Variants in PCLO observed in about 807,000 individuals in gnomAD.
PCLO encodes the protein piccolo presynaptic cytomatrix protein, also known as protein piccolo.
Under a neutral mutation model 427.5 loss-of-function variants are expected in PCLO, and 82 were observed. The observed-to-expected ratio is 0.19, with a 90% CI of 0.16 to 0.23. The LOEUF (loss-of-function observed/expected upper bound fraction) is 0.23, where lower values mean the gene tolerates loss of function less well. PCLO is among the 10% of genes least tolerant of loss of function. The probability of loss-of-function intolerance (pLI) is 1.00; values close to 1 mark genes in which losing one functional copy is unlikely to be tolerated. For synonymous variants in PCLO, 2,357 were observed against 2,155.4 expected (o/e 1.09, Z -2.59); for missense variants, 6,239 against 6,115.9 (o/e 1.02, Z -0.67).
At position 82,879,336 on chromosome 7, in the gene PCLO, C is replaced by T. The variant is rs865993888; in HGVS notation, c.13654+1G>A. On this transcript the variant is annotated splice_donor_variant, in intron 10 of 24. Coordinates refer to ENST00000333891, the MANE Select transcript of PCLO (RefSeq NM_033026.6). LOFTEE classifies it high-confidence loss of function. ...TTTACTGTAAAATTCCTTATTCTTA[C>T]CTTCCATAAGCTTCCCCGTCTGTTC... 6.2e-7 allele frequency: 1 copy of T among 1,602,528 alleles called. No homozygotes were observed. The highest frequency in any genetic ancestry group is 8.5e-7 in the Non-Finnish European group (1 of 1,175,960).
intron 4 of PCLO, among the ~76,000 whole-genome samples, chr7:82,957,318 C>T (rs1795549792): frequency 6.6e-6 from 1 of 151,892 alleles, no homozygotes; most frequent in Admixed American, 6.6e-5. Context: ...ATAAGTTATA[C>T]TTTTGGATTA....
At chr7:82,822,756 C>A (rs1247178749) in intron 19 of PCLO, 67 bp from the exon 20 acceptor site, 2 of 1,407,962 alleles carry the variant, frequency 1.4e-6, no homozygotes, top group East Asian at 2.3e-5. Flanking sequence ...GCTTGGTTTA[C>A]ACATAATTTG....
chr7:82,831,462 TATA>T (rs904194041), intron 16 of PCLO, among the ~76,000 whole-genome samples: 1 of 152,130 alleles, frequency 6.6e-6, no homozygotes, highest in Non-Finnish European at 1.5e-5. Context: ...ATAAATTATG[TATA>T]ATGTGTGTAG....
At chr7:82,763,724 C>A (rs1050037920) in intron 22 of PCLO, among the ~76,000 whole-genome samples, 3 of 151,998 alleles carry the variant, frequency 2.0e-5, no homozygotes, top group Non-Finnish European at 2.9e-5. Flanking sequence ...CAAAAATTGA[C>A]AAAATTATCT....
intron 12 of PCLO, among the ~76,000 whole-genome samples, chr7:82,845,702 T>C (rs1403997163): frequency 1.3e-5 from 2 of 152,176 alleles, no homozygotes; most frequent in African/African-American, 4.8e-5. Flanking sequence ...TACAGAGGAA[T>C]AGTGAAGTTC....
chr7:82,999,155 A>ACAT (rs1167780063), intron 3 of PCLO, among the ~76,000 whole-genome samples: 3 of 147,480 alleles, frequency 2.0e-5, no homozygotes, highest in African/African-American at 7.4e-5. Flanking sequence ...GCAGAGAATG[A>ACAT]AGACTGAAAA....
chr7:82,778,650 TCA>T (rs1790806177), intron 22 of PCLO, among the ~76,000 whole-genome samples: 1 of 152,156 alleles, frequency 6.6e-6, no homozygotes, highest in Admixed American at 6.5e-5. Context: ...CTTAAACCAT[TCA>T]CAGTTATTTT....
chr7:82,852,825 C>T (rs1792699650), intron 10 of PCLO, among the ~76,000 whole-genome samples: 1 of 152,098 alleles, frequency 6.6e-6, no homozygotes, highest in African/African-American at 2.4e-5. Flanking sequence ...TATTTATTCT[C>T]TCCAACTGTA....
At chr7:83,113,332 C>T (rs765382216) in intron 3 of PCLO, among the ~76,000 whole-genome samples, 2 of 152,160 alleles carry the variant, frequency 1.3e-5, no homozygotes, top group Admixed American at 6.6e-5. Context: ...GGGATCACCA[C>T]GCCTGTTTTC....
intron 3 of PCLO, among the ~76,000 whole-genome samples, chr7:83,100,700 T>C (rs1790715996): frequency 6.6e-6 from 1 of 152,118 alleles, no homozygotes; most frequent in African/African-American, 2.4e-5. Context: ...CAATAACTAA[T>C]GGGTACTAGG....
intron 3 of PCLO, among the ~76,000 whole-genome samples, chr7:83,050,926 A>C (rs1406232525): frequency 6.6e-6 from 1 of 152,024 alleles, no homozygotes; most frequent in Non-Finnish European, 1.5e-5. Flanking sequence ...TCCAAAAAAA[A>C]ATTAATGTAA....
intron 22 of PCLO, among the ~76,000 whole-genome samples, chr7:82,762,527 A>T (rs1033626074): frequency 3.3e-5 from 5 of 152,064 alleles, no homozygotes; most frequent in Admixed American, 6.6e-5. Flanking sequence ...CTCAAAAAAA[A>T]TTGACAGTCT....
intron 10 of PCLO, among the ~76,000 whole-genome samples, chr7:82,858,118 A>G (rs1466416199): frequency 6.6e-6 from 1 of 152,198 alleles, no homozygotes; most frequent in East Asian, 1.9e-4. Flanking sequence ...ATGATCATCC[A>G]CCATGATCAA....
chr7:83,155,876 T>A lies in PCLO; in HGVS notation c.765A>T (p.Gly255=). Residue 255 remains glycine (G), a synonymous_variant, in exon 2 of 25, where the codon GGA becomes GGT. Transcript: ENST00000333891. ...TCTGGGTAGGACCCTGAATTGGCTT[T>A]CCTGTACCTGGAGGTTGTGATTTAA... is the stretch of plus-strand genomic sequence containing the variant. ...EKIKSQPPGT[G]KPIQGPTQTP... The A allele has an allele frequency of 6.2e-7, 1 of 1,613,986 alleles. No individual in the cohort carries two copies. The highest frequency in any genetic ancestry group is 8.5e-7 in the Non-Finnish European group (1 of 1,179,886).
At chr7:83,098,605 G>T (rs1343217423) in intron 3 of PCLO, among the ~76,000 whole-genome samples, 1 of 151,322 alleles carries the variant, frequency 6.6e-6, no homozygotes. Context: ...ACATTAAATA[G>T]TCCCAAACTA....
intron 3 of PCLO, among the ~76,000 whole-genome samples, chr7:83,025,936 A>C (rs2116095413): frequency 6.6e-6 from 1 of 152,242 alleles, no homozygotes; most frequent in South Asian, 2.1e-4. Context: ...GCCTGCACTA[A>C]AAGAGCTCCT....
At chr7:83,096,242 G>C (rs1790534024) in intron 3 of PCLO, among the ~76,000 whole-genome samples, 1 of 146,288 alleles carries the variant, frequency 6.8e-6, no homozygotes, top group African/African-American at 2.5e-5. Flanking sequence ...GATTAAACTA[G>C]TACACAGAGA....
At position 82,758,610 on chromosome 7, in the gene PCLO, G is replaced by A; in HGVS notation, c.15394C>T (p.His5132Tyr). ...TGAGTAGGACTGACCAAAAGTTTGTGCCAGTTGACTATTCTTTTTCTGAGA... is the reference window on the plus strand; with the variant it reads ...TGAGTAGGACTGACCAAAAGTTTGTACCAGTTGACTATTCTTTTTCTGAGA... ...VDLRKRIVNW[H>Y]KLLVSPTQTH Residue 5132 changes from histidine (H) to tyrosine (Y), a missense_variant, in exon 25 of 25, where the codon CAC becomes TAC. By Grantham distance (83) the His-to-Tyr change is moderately conservative. This residue lies in a region of PCLO where 877 missense variants were observed against 925.5 expected (regional missense o/e 0.95). Coordinates refer to ENST00000333891, the MANE Select transcript of PCLO (RefSeq NM_033026.6). 1 of 1,611,768 alleles carries A rather than the reference G, an allele frequency of 6.2e-7. No homozygotes were observed.
At position 82,999,524 on chromosome 7, in the gene PCLO, AATATT is replaced by A. The variant is rs1340476685; in HGVS notation, c.3301-33042_3301-33038del. 3.1e-5 allele frequency among the ~76,000 whole-genome samples: 2 copies of A among 64,298 alleles called. 1 individual carries two copies. The highest frequency in any genetic ancestry group is 4.9e-4 in the Admixed American group (2 of 4,088). The allele number at this position is 64,298 out of a possible 152,430, so 42.2% of individuals were successfully genotyped here. A position where few individuals can be genotyped will look rare whatever the true frequency, so the allele number is the denominator to read the frequency against. ...AATATTATATTAAAATATAAAATAT[AATATT>A]ATATTAAAATATAAAATATAATATT... On this transcript the variant is annotated intron_variant, in intron 3 of 24. Coordinates refer to ENST00000333891, the MANE Select transcript of PCLO (RefSeq NM_033026.6).
Sources: gnomAD v4.1 joint callset for allele counts (sites outside exome capture counted in the v4.1 genomes callset) on GRCh38, gnomAD v4.1.1 for gene constraint, gnomAD v4.1.1 regional missense constraint, MANE v1.5 for transcripts, NCBI Gene and HGNC (gene_info 2026-07-23, HGNC 2026-07-21) for gene names.